The following PORCN variants were observed in gnomAD, a reference collection of about 807,000 sequenced individuals.
The protein encoded by PORCN is porcupine O-acyltransferase, also known as protein-serine O-palmitoleoyltransferase porcupine.
PORCN carries 1 observed loss-of-function variant against 43.0 expected under a neutral mutation model. The observed-to-expected ratio is 0.02, with a 90% CI of 0.01 to 0.11. The LOEUF is 0.11. Ranked by LOEUF, PORCN falls within the 10% of genes least tolerant of loss-of-function variation. The pLI is 1.00. For synonymous variants in PORCN, 148 were observed against 166.4 expected (o/e 0.89, Z 0.85); for missense variants, 240 against 392.1 (o/e 0.61, Z 3.28).
intron 14 of PORCN, among the ~76,000 whole-genome samples, chrX:48,518,722 C>G (rs782655128): frequency 1.8e-5 from 2 of 111,529 alleles, no homozygotes; most frequent in Non-Finnish European, 3.8e-5. Context: ...TTTTGCTTCT[C>G]TTTTAGTTAG....
At chrX:48,513,768 C>G (rs1556974523) in intron 7 of PORCN, among the ~76,000 whole-genome samples, 1 of 112,230 alleles carries the variant, frequency 8.9e-6, no homozygotes, top group Admixed American at 9.4e-5. Context: ...GGATTTTTGG[C>G]TGTCCTGTAG....
At chrX:48,509,982 A>G (rs781987328) in intron 2 of PORCN, 26 bp downstream of exon 2, 17 of 1,129,549 alleles carry the variant, frequency 1.5e-5, no homozygotes, top group Middle Eastern at 5.7e-4. Flanking sequence ...ACCGTGTGCC[A>G]CCATGCCAGG....
chrX:48,514,600 G>A lies in PORCN; in HGVS notation c.921G>A (p.Leu307=). 1 of 1,210,321 alleles carries A rather than the reference G, an allele frequency of 8.3e-7. No homozygotes were observed. Among genetic ancestry groups the A allele is most frequent in the African/African-American group, 1.7e-5 (1 of 57,854 alleles). The part of the protein sequence containing the change: ...SMVEVVTSWN[L]PMSYWLNNYV... ...TGGAAGTTGTCACAAGCTGGAACCT[G>A]CCCATGTCTTATTGGCTAAATAACT... Residue 307 remains leucine, a synonymous_variant, in exon 10 of 15, where the codon CTG becomes CTA. Coordinates refer to ENST00000326194, the MANE Select transcript of PORCN (RefSeq NM_203475.3).
At chrX:48,515,594 C>A in intron 10 of PORCN, 123 bp from the exon 11 acceptor site, 2 of 564,166 alleles carry the variant, frequency 3.5e-6, no homozygotes, top group South Asian at 2.4e-5. Context: ...AAGTTTGAGG[C>A]CATCTAAGGA....
chrX:48,510,865 C>T (rs2061670302), intron 2 of PORCN, among the ~76,000 whole-genome samples: 2 of 111,412 alleles, frequency 1.8e-5, no homozygotes, highest in Non-Finnish European at 3.8e-5. Flanking sequence ...CTGTACCCCA[C>T]ATCCTTCAGT....
At chrX:48,520,812 GCTT>G (rs1311655036), downstream of PORCN, 17 of 291,778 alleles carry the variant, frequency 5.8e-5, no homozygotes, top group East Asian at 1.1e-3. Context: ...TATTCAATAG[GCTT>G]CTTCTTCACT....
rs1456810344 is a variant in PORCN at position 48,520,403 on chromosome X, A to G, written c.1313A>G (p.Lys438Arg). ...TACGGCATGGCATACACTGTCCACA[A>G]GTGGTCAGAGCTCAGCTGGGCCAGT... Reference protein sequence around the residue: ...QGYGMAYTVHKWSELSWASHW... With the variant: ...QGYGMAYTVHRWSELSWASHW... Residue 438 changes from lysine (K) to arginine (R), a missense_variant, in exon 15 of 15, where the codon AAG becomes AGG. By Grantham distance (26) the Lys-to-Arg change is conservative (BLOSUM62 2). Transcript: ENST00000326194. 2 of 1,206,635 alleles carry G rather than the reference A, an allele frequency of 1.7e-6. No homozygotes were observed. Among genetic ancestry groups the G allele is most frequent in the Non-Finnish European group, 2.2e-6 (2 of 892,618 alleles).
intron 10 of PORCN, among the ~76,000 whole-genome samples, chrX:48,514,837 T>A (rs1216677473): frequency 1.3e-4 from 14 of 110,463 alleles, no homozygotes; most frequent in East Asian, 5.7e-4. Flanking sequence ...AAAAAAAAAA[T>A]TTTTAAAAAA....
chrX:48,511,811 C>A, intron 3 of PORCN, 81 bp from the exon 4 acceptor site: 1 of 934,821 alleles, frequency 1.1e-6, no homozygotes, highest in Non-Finnish European at 1.6e-6. Flanking sequence ...CCTCTGGGCA[C>A]CTTGGACCCC....
intron 2 of PORCN, 131 bp downstream of exon 2, chrX:48,510,087 G>A: frequency 5.5e-6 from 3 of 542,736 alleles, no homozygotes; most frequent in East Asian, 3.7e-5. Context: ...ACCCCAACAT[G>A]TTCAGCCCCA....
At chrX:48,518,368 G>A (rs541142834) in intron 14 of PORCN, among the ~76,000 whole-genome samples, 5 of 110,111 alleles carry the variant, frequency 4.5e-5, no homozygotes, top group African/African-American at 9.9e-5. Context: ...TTACAGGCAC[G>A]CACCACCATG....
At chrX:48,511,220 C>A in intron 2 of PORCN, 75 bp from the exon 3 acceptor site, 11 of 466,879 alleles carry the variant, frequency 2.4e-5, no homozygotes, top group East Asian at 9.6e-5. Context: ...CTCCCTCCCT[C>A]CCTTCCTCCC....
chrX:48,511,836 C>T, intron 3 of PORCN, 56 bp from the exon 4 acceptor site: 1 of 1,112,053 alleles, frequency 9.0e-7, no homozygotes, highest in Non-Finnish European at 1.2e-6. Context: ...CCCTGTCCCC[C>T]ATGGTCTCAG....
At chrX:48,513,376 C>G (rs1556974433) in intron 7 of PORCN, among the ~76,000 whole-genome samples, 2 of 112,215 alleles carry the variant, frequency 1.8e-5, no homozygotes, top group African/African-American at 6.5e-5. Flanking sequence ...TCATGGACTA[C>G]CTCTGCCTGT....
chrX:48,518,998 A>C (rs6609756), intron 14 of PORCN, among the ~76,000 whole-genome samples: 1 of 110,611 alleles, frequency 9.0e-6, no homozygotes, highest in Non-Finnish European at 1.9e-5. Context: ...CTTTTTAAAT[A>C]AAGTTTTTGT....
At chrX:48,512,233 C>T (rs782744932) in intron 4 of PORCN, 93 bp from the exon 5 acceptor site, 129 of 1,050,397 alleles carry the variant, frequency 1.2e-4, no homozygotes, top group South Asian at 2.4e-4. Context: ...TCCTTGTGCC[C>T]GCTTTTCCTA....
At chrX:48,509,380 G>C in intron 1 of PORCN, 2 of 382,673 alleles carry the variant, frequency 5.2e-6, no homozygotes, top group Admixed American at 4.8e-5. Flanking sequence ...AGATGCACAC[G>C]GCCCCCAAGT....
intron 7 of PORCN, 111 bp downstream of exon 7, chrX:48,512,963 G>T: frequency 1.0e-6 from 1 of 988,001 alleles, no homozygotes; most frequent in Admixed American, 2.2e-5. Context: ...TCAACTCCAT[G>T]ACTAGACAGA....
In PORCN at chrX:48,511,143, C is replaced by T. The variant is rs2061672108; in HGVS notation, c.137-152C>T. On this transcript the variant is annotated intron_variant, in intron 2 of 14. Transcript: ENST00000326194. ...GCCTTTGCCCTGGCTACGCCCTCTA[C>T]CCAGGTCATCCTCCCCTTCCTACTA... is the stretch of plus-strand genomic sequence containing the variant. The T allele has an allele frequency of 9.2e-6, 5 of 540,589 alleles. No individual in the cohort carries two copies. The East Asian group carries it at 1.8e-4, about 19-fold the overall frequency. 44.6% of individuals were successfully genotyped at this position (540,589 alleles called of 1,213,427 possible).
Sources: gnomAD v4.1 joint callset for allele counts (sites outside exome capture counted in the v4.1 genomes callset) on GRCh38, gnomAD v4.1.1 for gene constraint, MANE v1.5 for transcripts, NCBI Gene and HGNC (gene_info 2026-07-23, HGNC 2026-07-21) for gene names.